MGMT: variants seen among roughly 807,000 people sequenced by gnomAD.
MGMT encodes the protein O-6-methylguanine-DNA methyltransferase.
MGMT carries 14 observed loss-of-function variants against 15.9 expected under a neutral mutation model. The observed-to-expected ratio is 0.88, with a 90% CI of 0.58 to 1.37. The LOEUF (loss-of-function observed/expected upper bound fraction) is 1.37, where lower values mean the gene tolerates loss of function less well. Among genes scored for constraint, MGMT ranks in the 40% most tolerant of loss-of-function variants. MGMT has a pLI of 0.00. For synonymous variants in MGMT, 130 were observed against 118.2 expected (o/e 1.10, Z -0.65); for missense variants, 282 against 268.1 (o/e 1.05, Z -0.36).
chr10:129,547,290 C>T (rs1846107675), intron 2 of MGMT, among the ~76,000 whole-genome samples: 1 of 152,184 alleles, frequency 6.6e-6, no homozygotes, highest in Non-Finnish European at 1.5e-5. Flanking sequence ...ACAGGGTCAT[C>T]TCTAGTTTCA....
At chr10:129,491,260 T>C (rs1439179775) in intron 1 of MGMT, among the ~76,000 whole-genome samples, 2 of 152,164 alleles carry the variant, frequency 1.3e-5, no homozygotes, top group African/African-American at 4.8e-5. Flanking sequence ...CTTTACCTTA[T>C]AAAATATGAC....
chr10:129,575,882 T>A (rs948316126), intron 2 of MGMT, among the ~76,000 whole-genome samples: 7 of 152,028 alleles, frequency 4.6e-5, no homozygotes, highest in African/African-American at 1.7e-4. Flanking sequence ...AAATACAAAC[T>A]ACCATCAGAG....
chr10:129,738,259 C>T (rs1037137286), intron 3 of MGMT, among the ~76,000 whole-genome samples: 19 of 152,190 alleles, frequency 1.2e-4, no homozygotes, highest in African/African-American at 2.2e-4. Flanking sequence ...TCTCCTGGTG[C>T]GCCGTTTTTT....
At chr10:129,649,241 G>C (rs747150255) in intron 2 of MGMT, among the ~76,000 whole-genome samples, 1 of 152,150 alleles carries the variant, frequency 6.6e-6, no homozygotes, top group Non-Finnish European at 1.5e-5. Context: ...CATCTCAGGG[G>C]ACTGGGAACA....
chr10:129,632,957 G>T (rs1361891694), intron 2 of MGMT, among the ~76,000 whole-genome samples: 1 of 152,046 alleles, frequency 6.6e-6, no homozygotes, highest in East Asian at 1.9e-4. Flanking sequence ...ATATTTTCTG[G>T]ACAAAAATTT....
At chr10:129,577,223 G>A (rs1258518968) in intron 2 of MGMT, among the ~76,000 whole-genome samples, 1 of 152,240 alleles carries the variant, frequency 6.6e-6, no homozygotes, top group East Asian at 1.9e-4. Context: ...AGCCCACATT[G>A]CCAAGTCAAT....
intron 2 of MGMT, among the ~76,000 whole-genome samples, chr10:129,665,845 A>G (rs1847653018): frequency 6.6e-6 from 1 of 152,206 alleles, no homozygotes; most frequent in Non-Finnish European, 1.5e-5. Flanking sequence ...ACTGAATACA[A>G]CGTGTGCCTG....
At chr10:129,704,121 T>G (rs1848131055) in intron 2 of MGMT, among the ~76,000 whole-genome samples, 1 of 152,114 alleles carries the variant, frequency 6.6e-6, no homozygotes, top group Non-Finnish European at 1.5e-5. Context: ...CACTGTTTAT[T>G]CGGTTAGCAA....
intron 2 of MGMT, among the ~76,000 whole-genome samples, chr10:129,604,160 TG>T (rs1846858294): frequency 6.6e-6 from 1 of 152,204 alleles, no homozygotes; most frequent in Non-Finnish European, 1.5e-5. Flanking sequence ...TCCTCCTCCT[TG>T]TTTGCATGAT....
intron 2 of MGMT, among the ~76,000 whole-genome samples, chr10:129,575,850 G>A (rs1846475792): frequency 6.6e-6 from 1 of 151,962 alleles, no homozygotes; most frequent in Admixed American, 6.6e-5. Context: ...TGACAAAGGG[G>A]ATATCACCAC....
chr10:129,691,361 A>G (rs988228465), intron 2 of MGMT, among the ~76,000 whole-genome samples: 4 of 152,224 alleles, frequency 2.6e-5, no homozygotes, highest in African/African-American at 9.6e-5. Flanking sequence ...AGGAGCTGGC[A>G]ACAGGACTTG....
chr10:129,565,292 TAAA>T (rs11429171), intron 2 of MGMT, among the ~76,000 whole-genome samples: 1 of 136,252 alleles, frequency 7.3e-6, no homozygotes. Context: ...TAAAAGACAG[TAAA>T]AAAAAAAAAA....
chr10:129,626,935 G>A (rs1420162041), intron 2 of MGMT, among the ~76,000 whole-genome samples: 2 of 152,154 alleles, frequency 1.3e-5, no homozygotes, highest in Non-Finnish European at 2.9e-5. Flanking sequence ...TGCAAGAAGC[G>A]TGGGCAGGCT....
chr10:129,582,931 A>T (rs772912226), intron 2 of MGMT, among the ~76,000 whole-genome samples: 11 of 152,312 alleles, frequency 7.2e-5, no homozygotes, highest in Non-Finnish European at 1.3e-4. Context: ...GAGAATATTG[A>T]TCATGGTTTT....
intron 2 of MGMT, among the ~76,000 whole-genome samples, chr10:129,675,368 A>ATGAC (rs1847772980): frequency 6.6e-6 from 1 of 152,166 alleles, no homozygotes; most frequent in Non-Finnish European, 1.5e-5. Context: ...TAGGCAGGGA[A>ATGAC]TGACTGGGTT....
intron 2 of MGMT, among the ~76,000 whole-genome samples, chr10:129,560,914 C>A (rs902332613): frequency 1.3e-5 from 2 of 151,504 alleles, no homozygotes; most frequent in East Asian, 1.9e-4. Context: ...GAAACGGGAA[C>A]TTTCAGACAT....
intron 2 of MGMT, among the ~76,000 whole-genome samples, chr10:129,613,354 A>G (rs951506577): frequency 1.3e-5 from 2 of 152,200 alleles, no homozygotes; most frequent in Non-Finnish European, 2.9e-5. Context: ...TTTGCCTGTG[A>G]TTTGAATATC....
intron 2 of MGMT, among the ~76,000 whole-genome samples, chr10:129,537,891 G>A (rs1846003046): frequency 6.6e-6 from 1 of 152,178 alleles, no homozygotes; most frequent in Admixed American, 6.5e-5. Flanking sequence ...CTCTGAGCTT[G>A]GGGTCTCCAG....
At chr10:129,642,949 A>G (rs546810748) in intron 2 of MGMT, among the ~76,000 whole-genome samples, 11 of 152,248 alleles carry the variant, frequency 7.2e-5, no homozygotes, top group Non-Finnish European at 1.2e-4. Context: ...AAAAAAAAGA[A>G]AAAAAGGTAA....
Sources: allele counts gnomAD v4.1 joint callset (sites outside exome capture counted in the v4.1 genomes callset), GRCh38; gene constraint gnomAD v4.1.1; transcripts MANE v1.5; gene names NCBI Gene and HGNC (gene_info 2026-07-23, HGNC 2026-07-21).